Variants in DLG2 observed in about 807,000 individuals in gnomAD.
DLG2 encodes the protein discs large MAGUK scaffold protein 2.
A neutral mutation model predicts 132.5 loss-of-function variants in DLG2; 45 were observed. The ratio of observed to expected loss-of-function variants is 0.34; its 90% CI spans 0.27 to 0.44. The LOEUF is 0.44. Among genes scored for constraint, DLG2 ranks in the 20% least tolerant of loss-of-function variants. The pLI is 1.00. For synonymous variants in DLG2, 424 were observed against 419.6 expected, an observed-to-expected ratio of 1.01 and a Z score of -0.13; for missense variants, 1,045 against 1,196.9, an observed-to-expected ratio of 0.87 and a Z score of 1.87.
At chr11:84,024,138 C>A (rs887678586) in intron 11 of DLG2, among the ~76,000 whole-genome samples, 6 of 152,022 alleles carry the variant, frequency 3.9e-5, no homozygotes, top group African/African-American at 1.4e-4. Flanking sequence ...GTTTAAGGGT[C>A]AACAATACAT....
At chr11:85,278,140 G>C (rs2078006297) in intron 4 of DLG2, among the ~76,000 whole-genome samples, 1 of 152,164 alleles carries the variant, frequency 6.6e-6, no homozygotes, top group African/African-American at 2.4e-5. Flanking sequence ...TCCTAAGAAA[G>C]GTGATGGGAT....
intron 6 of DLG2, among the ~76,000 whole-genome samples, chr11:84,586,477 T>A (rs972346474): frequency 6.6e-6 from 1 of 152,194 alleles, no homozygotes; most frequent in East Asian, 1.9e-4. Context: ...TCATGTATCA[T>A]CATTTCTCAG....
intron 18 of DLG2, among the ~76,000 whole-genome samples, chr11:83,671,160 T>G (rs2076759488): frequency 6.6e-6 from 1 of 152,216 alleles, no homozygotes; most frequent in Non-Finnish European, 1.5e-5. Flanking sequence ...TTATCCTAAT[T>G]AAGAACATGG....
At chr11:85,321,202 T>C (rs2081043844) in intron 3 of DLG2, among the ~76,000 whole-genome samples, 2 of 151,858 alleles carry the variant, frequency 1.3e-5, no homozygotes, top group African/African-American at 4.8e-5. Context: ...ATGAAGGCTA[T>C]GAGAGAGAAA....
At chr11:85,261,461 C>T (rs1318759673) in intron 4 of DLG2, among the ~76,000 whole-genome samples, 1 of 151,990 alleles carries the variant, frequency 6.6e-6, no homozygotes, top group Non-Finnish European at 1.5e-5. Flanking sequence ...CCAACTACTT[C>T]CTGCTGGCCT....
chr11:83,804,585 C>CACACACACACACAA (rs1284193117), intron 17 of DLG2, among the ~76,000 whole-genome samples: 2 of 151,044 alleles, frequency 1.3e-5, no homozygotes, highest in African/African-American at 4.9e-5. Context: ...AGAAGACACA[C>CACACACACACACAA]ACACACACAC....
chr11:83,889,680 T>C (rs2069097264), intron 15 of DLG2, among the ~76,000 whole-genome samples: 1 of 152,012 alleles, frequency 6.6e-6, no homozygotes, highest in South Asian at 2.1e-4. Context: ...TTCGGCACTA[T>C]TCACAATAGC....
chr11:84,292,383 G>C (rs912630455), intron 7 of DLG2, among the ~76,000 whole-genome samples: 1 of 152,166 alleles, frequency 6.6e-6, no homozygotes, highest in African/African-American at 2.4e-5. Flanking sequence ...GACTAGGAAA[G>C]CTCAGCTCAC....
intron 7 of DLG2, among the ~76,000 whole-genome samples, chr11:84,435,218 T>C (rs1221634482): frequency 6.6e-6 from 1 of 152,200 alleles, no homozygotes; most frequent in Non-Finnish European, 1.5e-5. Context: ...CTTGTTGTAT[T>C]ATTTGTTAAC....
At chr11:84,161,714 G>C (rs1365269811) in intron 9 of DLG2, among the ~76,000 whole-genome samples, 3 of 152,174 alleles carry the variant, frequency 2.0e-5, no homozygotes, top group African/African-American at 7.2e-5. Context: ...AGAAGGCTCA[G>C]CTTCACGGGC....
chr11:84,449,518 T>C (rs2099045246), intron 7 of DLG2, among the ~76,000 whole-genome samples: 1 of 151,746 alleles, frequency 6.6e-6, no homozygotes, highest in African/African-American at 2.4e-5. Context: ...GGAGACTGAA[T>C]TGTTAGTTGT....
At chr11:84,777,206 T>C (rs1021307664) in intron 6 of DLG2, among the ~76,000 whole-genome samples, 3 of 144,974 alleles carry the variant, frequency 2.1e-5, no homozygotes, top group Non-Finnish European at 4.5e-5. Flanking sequence ...CCATCCATGT[T>C]GCTGCAAAAG....
chr11:84,842,828 A>G (rs1186138367), intron 6 of DLG2, among the ~76,000 whole-genome samples: 1 of 151,880 alleles, frequency 6.6e-6, no homozygotes, highest in Non-Finnish European at 1.5e-5. Context: ...GGATGCACAC[A>G]TATATGTGTG....
rs1555044684 is a variant in DLG2 at position 85,308,178 on chromosome 11, A to AATAAAATAAAATAAT, written c.41-22814_41-22813insATTATTTTATTTTAT. 2.7e-3 allele frequency among the ~76,000 whole-genome samples: 384 copies of AATAAAATAAAATAAT among 143,472 alleles called. 11 individuals carry two copies. The highest frequency in any genetic ancestry group is 5.8e-3 in the African/African-American group (224 of 38,750). 94.1% of individuals were successfully genotyped at this position (143,472 alleles called of 152,430 possible). On this transcript the variant is annotated intron_variant, in intron 3 of 27. Transcript: ENST00000376104. ...CAAAAAATAAAATAAAATAAAATAA[A>AATAAAATAAAATAAT]ATAAAATAAAATAAAATAAAACAAG...
chr11:84,718,657 A>T (rs1007770379), intron 6 of DLG2, among the ~76,000 whole-genome samples: 2 of 152,204 alleles, frequency 1.3e-5, no homozygotes, highest in African/African-American at 4.8e-5. Flanking sequence ...ACCGCTAAGT[A>T]ATTCTTGTAA....
rs1211284750 is a variant in DLG2 at position 83,540,831 on chromosome 11, CT to C, written c.2117+850del. On this transcript the variant is annotated intron_variant, in intron 20 of 27. Coordinates refer to ENST00000376104, the MANE Select transcript of DLG2 (RefSeq NM_001142699.3). ...TGCCTGCTTTTATTAAGCATAATTC[CT>C]GACTGATTTTGTACTATATCTAGTC... Among the ~76,000 whole-genome samples, 3 of 152,160 alleles carry C rather than the reference CT, an allele frequency of 2.0e-5. No homozygotes were observed. The East Asian group carries it at 5.8e-4, about 29-fold the overall frequency.
chr11:83,472,580 GAGAC>G, intron 23 of DLG2, 143 bp downstream of exon 23: 1 of 644,874 alleles, frequency 1.6e-6, no homozygotes, highest in Non-Finnish European at 2.7e-6. Context: ...GAGAAAGTGA[GAGAC>G]AGCGTAAGAG....
intron 17 of DLG2, among the ~76,000 whole-genome samples, chr11:83,798,555 A>G (rs940485333): frequency 6.6e-6 from 1 of 152,218 alleles, no homozygotes; most frequent in Admixed American, 6.5e-5. Context: ...TGTGAAAAAA[A>G]TACAAAGGAG....
At chr11:84,502,182 C>T (rs1429526481) in intron 7 of DLG2, among the ~76,000 whole-genome samples, 2 of 26,458 alleles carry the variant, frequency 7.6e-5, no homozygotes, top group African/African-American at 2.0e-4. Context: ...CTCTTTCTCT[C>T]TCTTTCTCTC....
Sources: gnomAD v4.1 joint callset for allele counts (sites outside exome capture counted in the v4.1 genomes callset) on GRCh38, gnomAD v4.1.1 for gene constraint, MANE v1.5 for transcripts, NCBI Gene and HGNC (gene_info 2026-07-23, HGNC 2026-07-21) for gene names.